The following CNTN4 variants were observed in gnomAD, a reference collection of about 807,000 sequenced individuals.
The protein encoded by CNTN4 is contactin 4.
A neutral mutation model predicts 122.5 loss-of-function variants in CNTN4; 77 were observed. That is an observed-to-expected ratio of 0.63 (90% confidence interval 0.52 to 0.76). The LOEUF (loss-of-function observed/expected upper bound fraction) is 0.76. CNTN4 is among the 30% of genes least tolerant of loss of function. CNTN4 has a pLI of 0.00. For synonymous variants in CNTN4, 512 were observed against 447.0 expected, an observed-to-expected ratio of 1.15 and a Z score of -1.83; for missense variants, 1,256 against 1,259.1, an observed-to-expected ratio of 1.00 and a Z score of 0.04.
At position 2,722,074 on chromosome 3, in the gene CNTN4, C is replaced by T. The variant is rs188436629; in HGVS notation, c.56-14141C>T. Reference sequence around the variant, plus strand: ...CTCCAGAACTGTAAGCAATAAATTTCTGTTGTTATGAAGTTACCCAGTTTA... The same window carrying T: ...CTCCAGAACTGTAAGCAATAAATTTTTGTTGTTATGAAGTTACCCAGTTTA... On this transcript the variant is annotated intron_variant, in intron 4 of 24. Transcript: ENST00000418658. Among the ~76,000 whole-genome samples, 262 of 152,318 alleles carry T rather than the reference C, an allele frequency of 1.7e-3. 1 individual carries two copies. Among genetic ancestry groups the T allele is most frequent in the African/African-American group, 5.9e-3 (244 of 41,584 alleles).
intron 13 of CNTN4, among the ~76,000 whole-genome samples, chr3:2,945,167 T>G (rs147614303): frequency 9.3e-4 from 141 of 152,304 alleles, no homozygotes; most frequent in African/African-American, 3.2e-3. Context: ...GGTAGAGTAC[T>G]CTTTCCTATA....
Position 2,536,887 on chromosome 3 carries a change from A to T in CNTN4, c.-88-34529A>T, listed in dbSNP as rs932467065. ...GTTCTAGAATACCACCATATAGTTT[A>T]GATCTTGGCTTTGGTGCTCGATCAT... is the stretch of plus-strand genomic sequence containing the variant. On this transcript the variant is annotated intron_variant, in intron 3 of 24. Coordinates refer to ENST00000418658, the MANE Select transcript of CNTN4 (RefSeq NM_175607.3). Among the ~76,000 whole-genome samples, 5 of 152,154 alleles carry T rather than the reference A, an allele frequency of 3.3e-5. No individual in the cohort carries two copies. In the South Asian group the frequency reaches 8.3e-4, roughly 25 times the overall value.
chr3:2,464,126 T>C (rs1344656618), intron 3 of CNTN4, among the ~76,000 whole-genome samples: 2 of 152,230 alleles, frequency 1.3e-5, no homozygotes, highest in African/African-American at 2.4e-5. Flanking sequence ...GAATGGCTTA[T>C]GACAACTTCA....
At chr3:2,203,077 G>C (rs186405279) in intron 2 of CNTN4, among the ~76,000 whole-genome samples, 58 of 151,270 alleles carry the variant, frequency 3.8e-4, no homozygotes, top group African/African-American at 1.4e-3. Context: ...CAAGTTGTCT[G>C]CCCGCCTCAG....
intron 2 of CNTN4, among the ~76,000 whole-genome samples, chr3:2,328,884 C>T (rs1413368956): frequency 6.6e-6 from 1 of 152,088 alleles, no homozygotes; most frequent in African/African-American, 2.4e-5. Context: ...TACCAAGGGA[C>T]GACTGCATTC....
In CNTN4 at chr3:2,426,278, C is replaced by T. The variant is rs9839393; in HGVS notation, c.-89+87045C>T. Among the ~76,000 whole-genome samples the T allele has an allele frequency of 5.3e-3, 810 of 152,096 alleles. 9 individuals are homozygous for T. Among genetic ancestry groups the T allele is most frequent in the African/African-American group, 0.018 (737 of 41,504 alleles). ...ATTTGTTGAGAGTTTTTAGCATGAACGGCTGTTGAATTTTGTTGAAGTCCT... is the reference window on the plus strand; with the variant it reads ...ATTTGTTGAGAGTTTTTAGCATGAATGGCTGTTGAATTTTGTTGAAGTCCT... On this transcript the variant is annotated intron_variant, in intron 3 of 24. Coordinates refer to ENST00000418658, the MANE Select transcript of CNTN4 (RefSeq NM_175607.3).
At chr3:3,011,493 G>T (rs186563162) in intron 14 of CNTN4, among the ~76,000 whole-genome samples, 2 of 152,290 alleles carry the variant, frequency 1.3e-5, no homozygotes, top group East Asian at 3.9e-4. Flanking sequence ...TCATTCTAGG[G>T]ATCGTTTTCA....
At chr3:2,536,587 ATTT>A (rs79258066) in intron 3 of CNTN4, among the ~76,000 whole-genome samples, 2 of 141,058 alleles carry the variant, frequency 1.4e-5, no homozygotes. Context: ...TTTTTAAATA[ATTT>A]TTTTTTTTTT....
chr3:2,839,381 C>T (rs2150479433), intron 7 of CNTN4, among the ~76,000 whole-genome samples: 1 of 151,062 alleles, frequency 6.6e-6, no homozygotes, highest in East Asian at 2.0e-4. Context: ...TGGAAGCCCA[C>T]TGGGTCAGAA....
intron 3 of CNTN4, among the ~76,000 whole-genome samples, chr3:2,354,046 C>G (rs1340564517): frequency 6.6e-6 from 1 of 152,128 alleles, no homozygotes; most frequent in Admixed American, 6.6e-5. Context: ...ATGACGTAAC[C>G]TAAAGTAGGT....
intron 4 of CNTN4, among the ~76,000 whole-genome samples, chr3:2,726,705 G>A (rs185483115): frequency 7.0e-4 from 107 of 152,278 alleles, no homozygotes; most frequent in Non-Finnish European, 1.4e-3. Context: ...GCAGTGGAGC[G>A]CTGGGTTGTT....
chr3:2,611,694 A>T (rs544436813), intron 4 of CNTN4, among the ~76,000 whole-genome samples: 1 of 152,152 alleles, frequency 6.6e-6, no homozygotes, highest in Non-Finnish European at 1.5e-5. Flanking sequence ...GCAAGTGTCA[A>T]TGGAGGCAGA....
At chr3:2,763,068 A>G (rs1576696572) in intron 6 of CNTN4, among the ~76,000 whole-genome samples, 1 of 151,294 alleles carries the variant, frequency 6.6e-6, no homozygotes, top group South Asian at 2.1e-4. Flanking sequence ...CAGCCTCCCA[A>G]GTAGCTAGGA....
chr3:2,997,529 C>G (rs894347786), intron 14 of CNTN4, among the ~76,000 whole-genome samples: 2 of 152,162 alleles, frequency 1.3e-5, no homozygotes, highest in African/African-American at 4.8e-5. Context: ...GAGTATAACT[C>G]TCAAAGAGGC....
intron 12 of CNTN4, among the ~76,000 whole-genome samples, chr3:2,911,151 T>TA (rs2094294870): frequency 6.6e-6 from 1 of 151,938 alleles, no homozygotes; most frequent in African/African-American, 2.4e-5. Flanking sequence ...TGCCTGAATC[T>TA]AAGTGATGAC....
chr3:3,000,804 C>T (rs2125395866), intron 14 of CNTN4, among the ~76,000 whole-genome samples: 1 of 151,994 alleles, frequency 6.6e-6, no homozygotes. Context: ...GCTTCTACTC[C>T]AGAGCAAAAG....
chr3:2,672,798 T>C (rs2150392179), intron 4 of CNTN4, among the ~76,000 whole-genome samples: 1 of 152,334 alleles, frequency 6.6e-6, no homozygotes, highest in African/African-American at 2.4e-5. Flanking sequence ...TAATTGGTTT[T>C]TTAACATTGA....
chr3:2,765,017 A>G (rs768796480), intron 6 of CNTN4, among the ~76,000 whole-genome samples: 2 of 152,200 alleles, frequency 1.3e-5, no homozygotes, highest in East Asian at 3.9e-4. Flanking sequence ...TATTTTTACT[A>G]TGGTGAAAAT....
At chr3:2,275,919 C>CAAAAAA (rs767326367) in intron 2 of CNTN4, among the ~76,000 whole-genome samples, 1 of 107,064 alleles carries the variant, frequency 9.3e-6, no homozygotes, top group Non-Finnish European at 1.8e-5. Flanking sequence ...GACTCTGTCT[C>CAAAAAA]AAAAAAAAAA....
Sources: allele counts gnomAD v4.1 joint callset (sites outside exome capture counted in the v4.1 genomes callset), GRCh38; gene constraint gnomAD v4.1.1; transcripts MANE v1.5; gene names NCBI Gene and HGNC (gene_info 2026-07-23, HGNC 2026-07-21).